FAM163A: variants seen among roughly 807,000 people sequenced by gnomAD.
FAM163A encodes family with sequence similarity 163 member A.
Under a neutral mutation model 12.0 loss-of-function variants are expected in FAM163A, and 7 were observed. The ratio of observed to expected loss-of-function variants is 0.58; its 90% CI spans 0.33 to 1.10. FAM163A has a LOEUF of 1.10. FAM163A is among the 50% of genes least tolerant of loss of function. FAM163A has a pLI of 0.03. For missense variants in FAM163A, 202 were observed against 218.6 expected (o/e 0.92, Z 0.48); for synonymous variants, 101 against 91.0 (o/e 1.11, Z -0.62).
chr1:179,791,295 C>T (rs1283651162), intron 1 of FAM163A, among the ~76,000 whole-genome samples: 1 of 152,174 alleles, frequency 6.6e-6, no homozygotes, highest in African/African-American at 2.4e-5. Context: ...ACCACATCCT[C>T]CATGGAGAGC....
At chr1:179,774,240 G>T (rs1464549320) in intron 1 of FAM163A, among the ~76,000 whole-genome samples, 1 of 152,174 alleles carries the variant, frequency 6.6e-6, no homozygotes, top group African/African-American at 2.4e-5. Context: ...GAGACTCTCG[G>T]TTGCCCTGAG....
At chr1:179,800,399 G>A (rs1692988816) in intron 1 of FAM163A, among the ~76,000 whole-genome samples, 1 of 152,242 alleles carries the variant, frequency 6.6e-6, no homozygotes, top group African/African-American at 2.4e-5. Flanking sequence ...CCTTGGCTGG[G>A]AGGAGCAGAG....
At chr1:179,749,417 A>C (rs1684954414) in intron 1 of FAM163A, among the ~76,000 whole-genome samples, 1 of 152,378 alleles carries the variant, frequency 6.6e-6, no homozygotes. Flanking sequence ...AGTAGCAGAC[A>C]CCAACAAGAA....
upstream of FAM163A, among the ~76,000 whole-genome samples, chr1:179,740,370 AG>A (rs1277831429): frequency 6.6e-6 from 1 of 152,036 alleles, no homozygotes; most frequent in Non-Finnish European, 1.5e-5. Flanking sequence ...ATGTAGAGAC[AG>A]GGTCTCACTA....
the FAM163A span, among the ~76,000 whole-genome samples, chr1:179,734,780 A>C: frequency 6.6e-6 from 1 of 152,224 alleles, no homozygotes; most frequent in African/African-American, 2.4e-5. Flanking sequence ...TATTTCAGGA[A>C]GCTTCCACCA....
the FAM163A span, among the ~76,000 whole-genome samples, chr1:179,735,492 A>ATTTTTTT: frequency 1.9e-4 from 11 of 58,384 alleles, no homozygotes; most frequent in African/African-American, 2.8e-4. Context: ...AAGGAGTTAC[A>ATTTTTTT]TTCTTTTTTT....
At chr1:179,766,822 C>A (rs1244308463) in intron 1 of FAM163A, among the ~76,000 whole-genome samples, 1 of 151,796 alleles carries the variant, frequency 6.6e-6, no homozygotes, top group African/African-American at 2.4e-5. Context: ...ATGGCACAAT[C>A]TTGGCTCACT....
the FAM163A span, among the ~76,000 whole-genome samples, chr1:179,732,906 A>AAAAAAAAAT: frequency 2.0e-5 from 3 of 149,744 alleles, no homozygotes; most frequent in Non-Finnish European, 4.4e-5. Flanking sequence ...AAAAAAAAAA[A>AAAAAAAAAT]GATTGTTTAC....
chr1:179,732,776 G>C, the FAM163A span, among the ~76,000 whole-genome samples: 2 of 149,966 alleles, frequency 1.3e-5, no homozygotes, highest in Admixed American at 1.3e-4. Context: ...AGCTGCACAG[G>C]AGGCTGAGGC....
At chr1:179,783,804 A>C (rs1690192845) in intron 1 of FAM163A, among the ~76,000 whole-genome samples, 1 of 105,834 alleles carries the variant, frequency 9.4e-6, no homozygotes, top group Non-Finnish European at 2.2e-5. Flanking sequence ...TATATAATAT[A>C]TAATTCCCAA....
At chr1:179,751,140 G>T (rs1685217898) in intron 1 of FAM163A, among the ~76,000 whole-genome samples, 1 of 152,166 alleles carries the variant, frequency 6.6e-6, no homozygotes, top group South Asian at 2.1e-4. Context: ...ACAGGCAGGA[G>T]TTCAGAGGAG....
At chr1:179,755,193 T>TG (rs11441551) in intron 1 of FAM163A, among the ~76,000 whole-genome samples, 128,847 of 150,546 alleles carry the variant, frequency 0.86, 55,639 homozygotes, top group East Asian at 1. Context: ...TAGTGGTCAG[T>TG]GAAGAATAGT....
intron 1 of FAM163A, among the ~76,000 whole-genome samples, chr1:179,745,330 ATC>A (rs1684320775): frequency 6.6e-6 from 1 of 150,676 alleles, no homozygotes; most frequent in Admixed American, 6.6e-5. Context: ...TGGCCCAAGA[ATC>A]TCTGTTTTTT....
chr1:179,790,378 C>T (rs997258481), intron 1 of FAM163A, among the ~76,000 whole-genome samples: 1 of 151,810 alleles, frequency 6.6e-6, no homozygotes, highest in African/African-American at 2.4e-5. Flanking sequence ...AAACTGAGGC[C>T]CAAAGTGATG....
At chr1:179,780,883 A>G (rs989897941) in intron 1 of FAM163A, among the ~76,000 whole-genome samples, 5 of 152,172 alleles carry the variant, frequency 3.3e-5, no homozygotes, top group Non-Finnish European at 7.3e-5. Context: ...ACAGAATCAG[A>G]GTGTTCTCAT....
At chr1:179,742,798 T>G (rs1683820080), upstream of FAM163A, 1 of 152,280 alleles carries the variant, frequency 6.6e-6, no homozygotes, top group Non-Finnish European at 1.5e-5. Context: ...AATCACACCC[T>G]GACTGATCTG....
chr1:179,747,371 C>T (rs1274958038), intron 1 of FAM163A, among the ~76,000 whole-genome samples: 3 of 152,160 alleles, frequency 2.0e-5, no homozygotes, highest in African/African-American at 7.2e-5. Context: ...AGCCTGGAAG[C>T]CGATGGATAC....
intron 1 of FAM163A, among the ~76,000 whole-genome samples, chr1:179,794,865 G>A (rs1307158991): frequency 6.6e-6 from 1 of 152,070 alleles, no homozygotes; most frequent in Admixed American, 6.5e-5. Context: ...AGGGAGGAAG[G>A]GCATGAAGAT....
At chr1:179,772,852 C>A (rs1291115950) in intron 1 of FAM163A, among the ~76,000 whole-genome samples, 2 of 151,508 alleles carry the variant, frequency 1.3e-5, no homozygotes, top group Non-Finnish European at 2.9e-5. Context: ...CCTCTTGGCT[C>A]TAGATGGCTG....
Sources: gnomAD v4.1 joint callset for allele counts (sites outside exome capture counted in the v4.1 genomes callset) on GRCh38, gnomAD v4.1.1 for gene constraint, MANE v1.5 for transcripts, NCBI Gene and HGNC (gene_info 2026-07-23, HGNC 2026-07-21) for gene names.